ELF1: variants seen among roughly 807,000 people sequenced by gnomAD.
The protein encoded by ELF1 is ETS-related transcription factor Elf-1.
Under a neutral mutation model 59.9 loss-of-function variants are expected in ELF1, and 24 were observed. The ratio of observed to expected loss-of-function variants is 0.40; its 90% CI spans 0.29 to 0.56. The LOEUF (loss-of-function observed/expected upper bound fraction) is 0.56, where lower values mean the gene tolerates loss of function less well. Ranked by LOEUF, ELF1 falls within the 20% of genes least tolerant of loss-of-function variation. The pLI is 0.44. For missense variants in ELF1, 627 were observed against 742.2 expected, an observed-to-expected ratio of 0.84 and a Z score of 1.80; for synonymous variants, 248 against 266.2, an observed-to-expected ratio of 0.93 and a Z score of 0.67.
At chr13:41,061,097 C>A (rs1205712732) in exon 1 of ELF1, 1 of 194,922 alleles carries the variant, frequency 5.1e-6, no homozygotes, top group East Asian at 9.9e-5. Flanking sequence ...GCAGTTTCAC[C>A]TCTTTTTTTT....
intron 1 of ELF1, among the ~76,000 whole-genome samples, chr13:41,060,503 C>G (rs1339324963): frequency 1.3e-5 from 2 of 152,078 alleles, no homozygotes; most frequent in African/African-American, 4.8e-5. Context: ...CCACCAGCCC[C>G]GTGAGCCGGA....
At chr13:41,020,565 C>T (rs1279230013), upstream of ELF1, among the ~76,000 whole-genome samples, 1 of 152,144 alleles carries the variant, frequency 6.6e-6, no homozygotes, top group Non-Finnish European at 1.5e-5. Flanking sequence ...CTATTTATTC[C>T]TTACACTGAA....
upstream of ELF1, among the ~76,000 whole-genome samples, chr13:41,023,569 C>T (rs967320455): frequency 6.6e-6 from 1 of 152,100 alleles, no homozygotes; most frequent in Admixed American, 6.5e-5. Context: ...TCCCAGGTTC[C>T]AAGAATTGTG....
chr13:40,978,749 C>T (rs1873073013), intron 2 of ELF1, among the ~76,000 whole-genome samples: 1 of 131,458 alleles, frequency 7.6e-6, no homozygotes, highest in Non-Finnish European at 1.6e-5. Flanking sequence ...CAAGGAAATA[C>T]AAATTAAAAT....
At chr13:40,944,607 T>A (rs191413229) in intron 5 of ELF1, among the ~76,000 whole-genome samples, 14 of 152,124 alleles carry the variant, frequency 9.2e-5, no homozygotes, top group African/African-American at 2.7e-4. Context: ...CAGAGTGGGG[T>A]CGATAAACTA....
intron 2 of ELF1, among the ~76,000 whole-genome samples, chr13:40,981,723 A>G (rs1019697787): frequency 2.0e-5 from 3 of 152,158 alleles, no homozygotes; most frequent in African/African-American, 7.2e-5. Flanking sequence ...TTTAGTGTTA[A>G]GTCTCATTTT....
rs186629408 is a variant in ELF1, at chr13:41,040,480, C to G, written c.-229+20358G>C. The stretch of plus-strand genomic sequence containing the variant: ...CAGCAGTGCCCAACCATTTCGGTAC[C>G]AGGGACAGTTTTGTGGAAGACAATT... On this transcript the variant is annotated intron_variant, in intron 1 of 1. Coordinates refer to the ELF1 transcript ENST00000405737. Among the ~76,000 whole-genome samples, 103 of 152,178 alleles carry G rather than the reference C, an allele frequency of 6.8e-4. 1 individual carries two copies. The East Asian group carries it at 0.019, about 28-fold the overall frequency.
At chr13:40,975,338 T>C (rs942290287) in intron 2 of ELF1, among the ~76,000 whole-genome samples, 1 of 152,072 alleles carries the variant, frequency 6.6e-6, no homozygotes, top group African/African-American at 2.4e-5. Context: ...GGAAATAGCA[T>C]ATAAGGAAAA....
chr13:41,008,428 G>A (rs1027135367), intron 1 of ELF1, among the ~76,000 whole-genome samples: 3 of 152,166 alleles, frequency 2.0e-5, no homozygotes, highest in African/African-American at 7.2e-5. Context: ...TGGAAAACTT[G>A]TATGTATCTA....
At chr13:40,999,064 C>T (rs1543589) in intron 1 of ELF1, among the ~76,000 whole-genome samples, 83,277 of 152,114 alleles carry the variant, frequency 0.55, 25,913 homozygotes, top group Non-Finnish European at 0.69. Context: ...TCCCAAATAT[C>T]TAATTTTAGA....
rs574236496 is a variant in ELF1, at chr13:40,940,047, C to T, written c.1256+874G>A. On this transcript the variant is annotated intron_variant, in intron 8 of 8. Coordinates refer to ENST00000239882, the MANE Select transcript of ELF1 (RefSeq NM_172373.4). The stretch of plus-strand genomic sequence containing the variant: ...CTTGATTCTAGGTAATGTTACCTTA[C>T]TCCAAGATCAACTGAGCAAAACCTC... 7.9e-5 allele frequency among the ~76,000 whole-genome samples: 12 copies of T among 152,208 alleles called. No individual in the cohort carries two copies. In the South Asian group the frequency reaches 2.5e-3, roughly 32 times the overall value.
intron 4 of ELF1, among the ~76,000 whole-genome samples, 160 bp downstream of exon 4, chr13:40,951,169 T>C (rs896769691): frequency 2.6e-5 from 4 of 152,222 alleles, no homozygotes; most frequent in African/African-American, 9.6e-5. Context: ...TCTTTAACTC[T>C]ACGTTTTTGC....
At chr13:40,994,664 C>T (rs749833048) in intron 1 of ELF1, among the ~76,000 whole-genome samples, 5 of 151,928 alleles carry the variant, frequency 3.3e-5, no homozygotes, top group African/African-American at 9.7e-5. Flanking sequence ...AATAAACAAG[C>T]GAAATATCTA....
intron 5 of ELF1, among the ~76,000 whole-genome samples, chr13:40,946,957 A>G (rs1870544618): frequency 6.6e-6 from 1 of 152,190 alleles, no homozygotes; most frequent in Admixed American, 6.5e-5. Flanking sequence ...CTGTAGAAAC[A>G]TATTTTTTCT....
intron 1 of ELF1, among the ~76,000 whole-genome samples, chr13:41,029,352 G>A (rs1876074156): frequency 6.6e-6 from 1 of 152,086 alleles, no homozygotes; most frequent in Non-Finnish European, 1.5e-5. Flanking sequence ...TTATTTTTGG[G>A]TATGTCTGTG....
chr13:41,055,856 G>GA (rs1877269551), intron 1 of ELF1, among the ~76,000 whole-genome samples: 2 of 142,050 alleles, frequency 1.4e-5, no homozygotes, highest in Admixed American at 7.0e-5. Flanking sequence ...GCTAATTTTT[G>GA]TTTTTTTTTT....
Position 40,995,570 on chromosome 13 carries a change from T to C in ELF1, c.-228-13288A>G, listed in dbSNP as rs936760558. Among the ~76,000 whole-genome samples the C allele has an allele frequency of 5.9e-5, 9 of 151,770 alleles. No individual in the cohort carries two copies. In the East Asian group the frequency reaches 1.7e-3, roughly 29 times the overall value. On this transcript the variant is annotated intron_variant, in intron 1 of 8. Transcript: ENST00000239882. Reference sequence around the variant, plus strand: ...AGCACGGTTAATGGCACCACATAAATATAGTCAACCATCTTTGTCAAGGAC... The same window carrying C: ...AGCACGGTTAATGGCACCACATAAACATAGTCAACCATCTTTGTCAAGGAC...
chr13:41,031,714 G>A (rs914877210), intron 1 of ELF1, among the ~76,000 whole-genome samples: 4 of 151,432 alleles, frequency 2.6e-5, no homozygotes, highest in Non-Finnish European at 4.4e-5. Flanking sequence ...CATCTACTAG[G>A]GAGGCTGAGA....
rs138109960 is a variant in ELF1 at position 40,949,844 on chromosome 13, G to A, written c.491C>T (p.Pro164Leu). 181 of 1,613,836 alleles carry A rather than the reference G, an allele frequency of 1.1e-4. No individual in the cohort carries two copies. Among genetic ancestry groups the A allele is most frequent in the Admixed American group, 1.5e-4 (9 of 59,982 alleles). ...AGGCTGTTCTGGTGATGAGGCTCCCGGTGAGTCTGCATATTTTTCTTGCAC... is the reference window on the plus strand; with the variant it reads ...AGGCTGTTCTGGTGATGAGGCTCCCAGTGAGTCTGCATATTTTTCTTGCAC... The part of the protein sequence containing the change: ...QQVQEKYADS[P>L]GASSPEQPKR... Residue 164 changes from proline (P) to leucine (L), a missense_variant, in exon 5 of 9, where the codon CCG (proline) becomes CTG (leucine). Pro to Leu is a moderately conservative substitution (Grantham distance 98). Coordinates refer to ENST00000239882, the MANE Select transcript of ELF1 (RefSeq NM_172373.4).
Sources: allele counts gnomAD v4.1 joint callset (sites outside exome capture counted in the v4.1 genomes callset), GRCh38; gene constraint gnomAD v4.1.1; transcripts MANE v1.5; gene names NCBI Gene and HGNC (gene_info 2026-07-23, HGNC 2026-07-21).